The following ASB15 variants were observed in gnomAD, a reference collection of about 807,000 sequenced individuals.
ASB15 encodes ankyrin repeat and SOCS box protein 15.
A neutral mutation model predicts 58.0 loss-of-function variants in ASB15; 54 were observed. The ratio of observed to expected loss-of-function variants is 0.93; its 90% CI spans 0.75 to 1.17. The LOEUF (loss-of-function observed/expected upper bound fraction) is 1.17. Ranked by LOEUF, ASB15 falls within the 50% of genes most tolerant of loss-of-function variation. ASB15 has a pLI of 0.00. For synonymous variants in ASB15, 249 were observed against 262.4 expected, an observed-to-expected ratio of 0.95 and a Z score of 0.50; for missense variants, 680 against 707.4, an observed-to-expected ratio of 0.96 and a Z score of 0.44.
At chr7:123,617,767 T>G in intron 7 of ASB15, 30 bp downstream of exon 7, 1 of 1,567,702 alleles carries the variant, frequency 6.4e-7, no homozygotes. Context: ...AGAACTTTTA[T>G]AGTTTGAAAC....
At chr7:123,625,060 G>T in intron 8 of ASB15, 1 of 461,320 alleles carries the variant, frequency 2.2e-6, no homozygotes. Flanking sequence ...TCGAGAGACA[G>T]TTCAATCTGC....
Position 123,616,489 on chromosome 7 carries a change from C to A in ASB15, c.286C>A (p.Leu96Met). The A allele has an allele frequency of 6.2e-7, 1 of 1,612,028 alleles. No individual in the cohort carries two copies. The highest frequency in any genetic ancestry group is 1.1e-5 in the South Asian group (1 of 90,752). Residue 96 changes from leucine (L) to methionine (M), a missense_variant, in exon 6 of 12, where the codon CTG (leucine) becomes ATG (methionine). Coordinates refer to ENST00000451215, the MANE Select transcript of ASB15 (RefSeq NM_001290258.2). ...QPIQQILEIV[L>M]DASYKTLWEF... ...CATTCAACAAATACTTGAGATTGTT[C>A]TGGATGGTAAGAGAACATAAAACAT...
intron 11 of ASB15, among the ~76,000 whole-genome samples, chr7:123,631,687 T>C (rs1375502997): frequency 1.3e-5 from 2 of 152,086 alleles, no homozygotes; most frequent in African/African-American, 4.8e-5. Context: ...TTTTGAGTCA[T>C]TGCAAGAAAA....
At chr7:123,606,027 A>C (rs1402644311) in intron 2 of ASB15, among the ~76,000 whole-genome samples, 1 of 152,162 alleles carries the variant, frequency 6.6e-6, no homozygotes, top group Non-Finnish European at 1.5e-5. Flanking sequence ...AAAAGTCTGG[A>C]GATATTATTT....
intron 1 of ASB15, chr7:123,567,149 T>G (rs888581776): frequency 1.3e-5 from 2 of 149,492 alleles, no homozygotes; most frequent in African/African-American, 4.9e-5. Flanking sequence ...CCAATCCTTT[T>G]GCAGAGGGGC....
rs189012920 is a variant in ASB15 at position 123,629,140 on chromosome 7, C to T, written c.1146C>T (p.Asn382=). The change falls in exon 10 of 12, where the codon AAC becomes AAT. Residue 382 remains asparagine, a synonymous_variant. Transcript: ENST00000451215. ...CAGACCCAAACTTAGATCCCCTCAA[C>T]TGTCTACTTGTTGCAGTGAGGGCCA... is the stretch of plus-strand genomic sequence containing the variant. ...AGADPNLDPL[N]CLLVAVRANN... The T allele has an allele frequency of 1.4e-4, 230 of 1,614,140 alleles. 1 individual carries two copies. The Middle Eastern group carries it at 3.1e-3, about 22-fold the overall frequency.
intron 1 of ASB15, among the ~76,000 whole-genome samples, chr7:123,590,842 A>T (rs1799516897): frequency 6.6e-6 from 1 of 152,182 alleles, no homozygotes; most frequent in African/African-American, 2.4e-5. Flanking sequence ...GAACAAAGGC[A>T]GTGGTAGCTT....
rs138215101 is a variant in ASB15, at chr7:123,627,131, CG to C, written c.721del (p.Asp241MetfsTer52). ...CCAGGTGGTGATGTGCTTGCTTTGG[CG>C]GATGATGGGGCGTCGGTGCTGTTTG... is the stretch of plus-strand genomic sequence containing the variant. ...IHKGGDVLAL[A>X]DDGASVLFEA... On this transcript the variant is annotated frameshift_variant, in exon 9 of 12. Transcript: ENST00000451215. LOFTEE classifies it high-confidence loss of function. The C allele has an allele frequency of 0.022, 35,827 of 1,613,066 alleles. 478 individuals are homozygous for C. The highest frequency in any genetic ancestry group is 0.034 in the South Asian group (3,111 of 90,942).
rs917372335 is a variant in ASB15 at position 123,629,549 on chromosome 7, T to G, written c.1440+115T>G. 4.8e-6 allele frequency: 5 copies of G among 1,043,494 alleles called. No homozygotes were observed. The South Asian group carries it at 8.6e-5, about 18-fold the overall frequency. The allele number at this position is 1,043,494 out of a possible 1,614,324, so 64.6% of individuals were successfully genotyped here. ...TAAACTCTAATTTTTCTATTTTTCT[T>G]GTTTTTTCAATTTTTGTATGCAATG... On this transcript the variant is annotated intron_variant, in intron 10 of 11. Coordinates refer to ENST00000451215, the MANE Select transcript of ASB15 (RefSeq NM_001290258.2).
intron 1 of ASB15, among the ~76,000 whole-genome samples, chr7:123,592,738 G>A (rs966017597): frequency 6.6e-6 from 1 of 152,188 alleles, no homozygotes; most frequent in Non-Finnish European, 1.5e-5. Flanking sequence ...GTGCGATGTG[G>A]TGCTGAGAAG....
chr7:123,602,334 CT>C (rs1799919907), intron 1 of ASB15, among the ~76,000 whole-genome samples: 1 of 151,978 alleles, frequency 6.6e-6, no homozygotes, highest in South Asian at 2.1e-4. Flanking sequence ...AAGATGAATG[CT>C]TTCTGCCCAG....
intron 1 of ASB15, among the ~76,000 whole-genome samples, chr7:123,581,754 A>G (rs950339310): frequency 7.2e-5 from 11 of 151,812 alleles, no homozygotes; most frequent in Admixed American, 2.0e-4. Flanking sequence ...TTCTTTTATC[A>G]TTGTTTAAGT....
intron 11 of ASB15, 108 bp from the exon 12 acceptor site, chr7:123,636,701 T>A: frequency 1.1e-6 from 1 of 918,444 alleles, no homozygotes; most frequent in Non-Finnish European, 1.7e-6. Context: ...AAAGTGTGCA[T>A]ACATGTTTTT....
chr7:123,609,010 C>T (rs1800298272), intron 3 of ASB15: 1 of 151,162 alleles, frequency 6.6e-6, no homozygotes, highest in Admixed American at 6.6e-5. Context: ...TTAACTCTTG[C>T]CCTTCCTCTG....
intron 10 of ASB15, 59 bp downstream of exon 10, chr7:123,629,493 T>C (rs1486717934): frequency 7.3e-7 from 1 of 1,372,004 alleles, no homozygotes; most frequent in Non-Finnish European, 9.9e-7. Flanking sequence ...TACATGTTCA[T>C]TCAATTAGGG....
chr7:123,623,323 A>G (rs1344315978), intron 7 of ASB15, among the ~76,000 whole-genome samples: 1 of 152,216 alleles, frequency 6.6e-6, no homozygotes, highest in Non-Finnish European at 1.5e-5. Context: ...GATTTTACTT[A>G]AAAGGAAAAA....
intron 3 of ASB15, among the ~76,000 whole-genome samples, chr7:123,611,206 A>G (rs1800430816): frequency 6.6e-6 from 1 of 152,036 alleles, no homozygotes; most frequent in African/African-American, 2.4e-5. Context: ...GCTTCTGAGT[A>G]GTGCTTTATA....
At chr7:123,574,188 G>T (rs953420864) in intron 1 of ASB15, among the ~76,000 whole-genome samples, 2 of 150,094 alleles carry the variant, frequency 1.3e-5, no homozygotes, top group African/African-American at 4.9e-5. Context: ...TGATCACCAG[G>T]TTCCATCTCC....
rs895691841 is a variant in ASB15 at position 123,629,112 on chromosome 7, G to A, written c.1118G>A (p.Gly373Asp). Residue 373 changes from glycine to aspartate, a missense_variant, in exon 10 of 12, where the codon GGT (glycine) becomes GAT (aspartate). Physicochemically the swap from Gly to Asp is moderately conservative, Grantham distance 94. Transcript: ENST00000451215. Reference sequence around the variant, plus strand: ...TGCACAGAAGTCCTTCTGGCTGCAGGTGCAGACCCAAACTTAGATCCCCTC... The same window carrying A: ...TGCACAGAAGTCCTTCTGGCTGCAGATGCAGACCCAAACTTAGATCCCCTC... ...VHCTEVLLAA[G>D]ADPNLDPLNC... 1.9e-6 allele frequency: 3 copies of A among 1,613,972 alleles called. No individual in the cohort carries two copies. The highest frequency in any genetic ancestry group is 2.5e-6 in the Non-Finnish European group (3 of 1,179,984).
Sources: allele counts gnomAD v4.1 joint callset (sites outside exome capture counted in the v4.1 genomes callset), GRCh38; gene constraint gnomAD v4.1.1; transcripts MANE v1.5; gene names NCBI Gene and HGNC (gene_info 2026-07-23, HGNC 2026-07-21).